The following ZNF514 variants were observed in gnomAD, a reference collection of about 807,000 sequenced individuals.
ZNF514 encodes the protein zinc finger protein 514.
Under a neutral mutation model 9.7 loss-of-function variants are expected in ZNF514, and 12 were observed. That is an observed-to-expected ratio of 1.24 (90% CI 0.79 to 2.01). The LOEUF (loss-of-function observed/expected upper bound fraction) is 2.01. ZNF514 is among the 30% of genes most tolerant of loss of function. ZNF514 has a pLI of 0.00. For synonymous variants in ZNF514, 158 were observed against 163.7 expected, an observed-to-expected ratio of 0.97 and a Z score of 0.27; for missense variants, 467 against 465.5, an observed-to-expected ratio of 1.00 and a Z score of -0.03.
At chr2:95,158,991 G>A (rs1007770518) in intron 1 of ZNF514, 2 of 1,283,668 alleles carry the variant, frequency 1.6e-6, no homozygotes, top group South Asian at 1.2e-5. Flanking sequence ...CATAGCTGGG[G>A]CTAAGGAGCG....
chr2:95,157,115 A>G (rs575586624), intron 2 of ZNF514, among the ~76,000 whole-genome samples: 3 of 152,294 alleles, frequency 2.0e-5, no homozygotes, highest in Admixed American at 2.0e-4. Context: ...TGGTCACCAC[A>G]GTGCCCTTTC....
At chr2:95,138,931 ATGCTGCCCTGCACAGCCTCAGGACAG>A in the ZNF514 span, among the ~76,000 whole-genome samples, 1 of 152,244 alleles carries the variant, frequency 6.6e-6, no homozygotes, top group Non-Finnish European at 1.5e-5. Flanking sequence ...GCCCATGGCC[ATGCTGCCCTGCACAGCCTCAGGACAG>A]TGCTGCCTAT....
At chr2:95,159,035 C>G in intron 1 of ZNF514, 10 of 1,247,526 alleles carry the variant, frequency 8.0e-6, no homozygotes, top group Non-Finnish European at 1.0e-5. Flanking sequence ...CTCTGTCTTT[C>G]GGCCACAGCC....
At chr2:95,139,455 G>A in the ZNF514 span, among the ~76,000 whole-genome samples, 2 of 152,220 alleles carry the variant, frequency 1.3e-5, no homozygotes, top group African/African-American at 4.8e-5. Flanking sequence ...GGTTATTTTG[G>A]AGCTTTGAGA....
downstream of ZNF514, among the ~76,000 whole-genome samples, chr2:95,144,638 A>G (rs989773566): frequency 2.0e-5 from 3 of 152,136 alleles, no homozygotes; most frequent in Admixed American, 1.3e-4. Flanking sequence ...TCCTTTTTCT[A>G]TAATTGTCAT....
chr2:95,130,169 C>T, the ZNF514 span, among the ~76,000 whole-genome samples: 4 of 152,046 alleles, frequency 2.6e-5, no homozygotes, highest in South Asian at 6.2e-4. Context: ...CCGTGATGCC[C>T]CACAAGCCAC....
the ZNF514 span, among the ~76,000 whole-genome samples, chr2:95,134,491 C>T: frequency 1.1e-4 from 16 of 152,162 alleles, no homozygotes; most frequent in Admixed American, 9.8e-4. Context: ...ACCTACCACA[C>T]AATTCACTCA....
At position 95,146,525 on chromosome 2, in the gene ZNF514, G is replaced by A. The variant is rs1370873829; in HGVS notation, c.*2757C>T. 6.6e-6 allele frequency among the ~76,000 whole-genome samples: 1 copy of A among 151,884 alleles called. No individual in the cohort carries two copies. The highest frequency in any genetic ancestry group is 1.9e-4 in the East Asian group (1 of 5,182). ...GAGATGTGGAAAGGCATGTCTGAGG[G>A]ATGACAAGAGAGCATTTGTGTGCAA... On this transcript the variant is annotated 3_prime_UTR_variant, in exon 5 of 5. Transcript: ENST00000295208.
At chr2:95,125,477 A>G in the ZNF514 span, among the ~76,000 whole-genome samples, 1 of 152,038 alleles carries the variant, frequency 6.6e-6, no homozygotes, top group Non-Finnish European at 1.5e-5. Flanking sequence ...TGACCTTGTG[A>G]TTCACCCACC....
At chr2:95,124,935 G>A in the ZNF514 span, among the ~76,000 whole-genome samples, 176 of 150,748 alleles carry the variant, frequency 1.2e-3, 6 homozygotes, top group East Asian at 0.024. Context: ...AGGCTGGAGT[G>A]CAATAGCGCG....
the ZNF514 span, among the ~76,000 whole-genome samples, chr2:95,133,606 G>A: frequency 6.6e-6 from 1 of 152,106 alleles, no homozygotes; most frequent in Non-Finnish European, 1.5e-5. Flanking sequence ...AGAAAAGAAA[G>A]GATGGTTGTG....
chr2:95,150,874 G>A (rs900961414), intron 4 of ZNF514, among the ~76,000 whole-genome samples: 17 of 152,120 alleles, frequency 1.1e-4, no homozygotes, highest in African/African-American at 4.1e-4. Flanking sequence ...TTTTCAGCAA[G>A]TGCCTTGAGC....
chr2:95,140,924 G>A (rs1379395064), downstream of ZNF514, among the ~76,000 whole-genome samples: 3 of 151,164 alleles, frequency 2.0e-5, no homozygotes, highest in East Asian at 1.9e-4. Flanking sequence ...GCAGTGAGCC[G>A]AGATCACGCC....
downstream of ZNF514, among the ~76,000 whole-genome samples, chr2:95,140,021 A>T (rs183264594): frequency 1.3e-3 from 200 of 152,280 alleles, no homozygotes; most frequent in Non-Finnish European, 2.3e-3. Context: ...CTCACAAACT[A>T]TCACAAGGAC....
chr2:95,127,575 GTTTT>G, the ZNF514 span, among the ~76,000 whole-genome samples: 1 of 151,562 alleles, frequency 6.6e-6, no homozygotes, highest in Non-Finnish European at 1.5e-5. Flanking sequence ...TTTTGTTTTT[GTTTT>G]TGTTTTTTTG....
At chr2:95,126,392 A>AAAAAAAAAAAAAAAAAAAAAAAAAG in the ZNF514 span, among the ~76,000 whole-genome samples, 41 of 84,450 alleles carry the variant, frequency 4.9e-4, no homozygotes, top group Middle Eastern at 9.3e-3. Context: ...AAAAAAAAAA[A>AAAAAAAAAAAAAAAAAAAAAAAAAG]AAAGAAAGAA....
At chr2:95,156,702 A>G (rs3112998) in intron 2 of ZNF514, among the ~76,000 whole-genome samples, 79,814 of 152,076 alleles carry the variant, frequency 0.52, 21,381 homozygotes, top group Non-Finnish European at 0.56. Context: ...TATAGTCTTC[A>G]TGTTACTGCT....
Position 95,147,600 on chromosome 2 carries a change from T to C in ZNF514, c.*1682A>G, listed in dbSNP as rs578231119. On this transcript the variant is annotated 3_prime_UTR_variant, in exon 5 of 5. Coordinates refer to ENST00000295208, the MANE Select transcript of ZNF514 (RefSeq NM_032788.3). ...CCTTCTTTCACTTAGAATCACGTTT[T>C]TGAGATCTGGATTGTGCATAATACC... is the stretch of plus-strand genomic sequence containing the variant. The C allele has an allele frequency of 2.0e-5, 3 of 152,272 alleles. No individual in the cohort carries two copies. The South Asian group carries it at 6.2e-4, about 32-fold the overall frequency. The allele number at this position is 152,272 out of a possible 1,614,324, so 9.4% of individuals were successfully genotyped here. A position where few individuals can be genotyped will look rare whatever the true frequency, so the allele number is the denominator to read the frequency against.
At chr2:95,137,668 G>A in the ZNF514 span, among the ~76,000 whole-genome samples, 2 of 81,708 alleles carry the variant, frequency 2.4e-5, no homozygotes, top group African/African-American at 1.1e-4. Flanking sequence ...AGTATTGTAT[G>A]TATTATATTA....
Sources: gnomAD v4.1 joint callset for allele counts (sites outside exome capture counted in the v4.1 genomes callset) on GRCh38, gnomAD v4.1.1 for gene constraint, MANE v1.5 for transcripts, NCBI Gene and HGNC (gene_info 2026-07-23, HGNC 2026-07-21) for gene names.